Variants in LGR4 observed in about 807,000 individuals in gnomAD.
LGR4 encodes the protein leucine rich repeat containing G protein-coupled receptor 4.
In LGR4, 44 loss-of-function variants were observed where a neutral mutation model predicts 84.8. The observed-to-expected ratio is 0.52, with a 90% CI of 0.41 to 0.67. The LOEUF is 0.67. Among genes scored for constraint, LGR4 ranks in the 30% least tolerant of loss-of-function variants. The pLI, the probability that LGR4 is intolerant of heterozygous loss-of-function variation, is 0.00. For synonymous variants in LGR4, 429 were observed against 434.3 expected (o/e 0.99, Z 0.15); for missense variants, 1,032 against 1,131.4 (o/e 0.91, Z 1.26).
At chr11:27,381,577 G>A (rs528058134) in intron 7 of LGR4, among the ~76,000 whole-genome samples, 16 of 152,248 alleles carry the variant, frequency 1.1e-4, no homozygotes, top group African/African-American at 3.4e-4. Context: ...AGCTACCCAG[G>A]AAGCTAAGAT....
At chr11:27,385,579 T>C (rs984921765) in intron 4 of LGR4, 111 bp from the exon 5 acceptor site, 1 of 653,392 alleles carries the variant, frequency 1.5e-6, no homozygotes, top group Non-Finnish European at 2.5e-6. Flanking sequence ...AAAATTATCA[T>C]CTTTAATTTT....
chr11:27,375,746 T>A (rs1271110937), intron 13 of LGR4, among the ~76,000 whole-genome samples: 1 of 152,190 alleles, frequency 6.6e-6, no homozygotes, highest in Non-Finnish European at 1.5e-5. Flanking sequence ...GTAGTCTGCC[T>A]ACCCTTGCCC....
chr11:27,391,238 T>C (rs1187763717), intron 3 of LGR4, 73 bp from the exon 4 acceptor site: 3 of 60,066 alleles, frequency 5.0e-5, no homozygotes, highest in Non-Finnish European at 9.0e-5. Context: ...TCAGAGCCTT[T>C]TTTTTTTTTT....
chr11:27,412,952 T>C (rs534613502), intron 1 of LGR4, 92 bp from the exon 2 acceptor site: 1 of 853,366 alleles, frequency 1.2e-6, no homozygotes, highest in Non-Finnish European at 2.0e-6. Flanking sequence ...TGTTACAATT[T>C]TGTGAAAGAG....
intron 13 of LGR4, among the ~76,000 whole-genome samples, 161 bp downstream of exon 13, chr11:27,376,138 G>A (rs538225116): frequency 4.8e-4 from 71 of 147,114 alleles, no homozygotes; most frequent in African/African-American, 1.6e-3. Flanking sequence ...CACTATGCCC[G>A]GCTAATTTTT....
chr11:27,472,726 C>G lies in LGR4; in HGVS notation c.-424G>C, dbSNP rs914767125. 2.5e-5 allele frequency: 9 copies of G among 359,108 alleles called. No homozygotes were observed. The highest frequency in any genetic ancestry group is 8.5e-5 in the African/African-American group (4 of 46,998). 22.2% of individuals were successfully genotyped at this position (359,108 alleles called of 1,614,324 possible). ...TCTCGCACAAACACCCAGACTCTGG[C>G]TCGCTGTCTCCCAGCCGCGGCTCAA... is the stretch of plus-strand genomic sequence containing the variant. On this transcript the variant is annotated 5_prime_UTR_variant, in exon 1 of 18. Transcript: ENST00000379214.
intron 3 of LGR4, 138 bp from the exon 4 acceptor site, chr11:27,391,303 C>T (rs1233514937): frequency 8.9e-6 from 5 of 562,376 alleles, no homozygotes; most frequent in African/African-American, 2.0e-5. Context: ...TGGAAAGCAT[C>T]TAAGACAAGA....
At chr11:27,462,560 G>A (rs1864701767) in intron 1 of LGR4, among the ~76,000 whole-genome samples, 1 of 152,156 alleles carries the variant, frequency 6.6e-6, no homozygotes, top group African/African-American at 2.4e-5. Flanking sequence ...TGGCTCACCT[G>A]TGAAGTCTAT....
intron 16 of LGR4, among the ~76,000 whole-genome samples, chr11:27,372,025 C>T (rs779690176): frequency 6.6e-6 from 1 of 152,132 alleles, no homozygotes; most frequent in Admixed American, 6.5e-5. Flanking sequence ...CCACTACACT[C>T]AGCTAGTTTT....
intron 1 of LGR4, among the ~76,000 whole-genome samples, chr11:27,462,732 TG>T (rs1265224280): frequency 6.6e-6 from 1 of 152,076 alleles, no homozygotes; most frequent in African/African-American, 2.4e-5. Context: ...AGCGTTTCCT[TG>T]GTGCAACCCT....
rs574451307 is a variant in LGR4, at chr11:27,467,324, T to C, written c.185+4794A>G. On this transcript the variant is annotated intron_variant, in intron 1 of 17. Transcript: ENST00000379214. ...GGCTTGTACCTGTAATCCCAGCACT[T>C]TGGGAGGCCGAGGCAGGAGGACCAC... 4.0e-5 allele frequency among the ~76,000 whole-genome samples: 6 copies of C among 151,736 alleles called. 1 individual carries two copies. The East Asian group carries it at 1.2e-3, about 30-fold the overall frequency.
At chr11:27,390,190 A>G (rs1408867020) in intron 4 of LGR4, among the ~76,000 whole-genome samples, 1 of 152,124 alleles carries the variant, frequency 6.6e-6, no homozygotes, top group African/African-American at 2.4e-5. Flanking sequence ...TAGCAAACTG[A>G]TGGGACAAGC....
chr11:27,380,446 T>C, intron 9 of LGR4, 107 bp from the exon 10 acceptor site: 2 of 814,086 alleles, frequency 2.5e-6, no homozygotes, highest in Non-Finnish European at 2.0e-6. Context: ...TAAAACTAGT[T>C]TCATCTCTTG....
Position 27,367,992 on chromosome 11 carries a change from CATCTGCATAATCAGA to C in LGR4, c.2716_2730del (p.Ser906_Asp910del), listed in dbSNP as rs1457552017. The C allele has an allele frequency of 6.2e-6, 10 of 1,614,164 alleles. No homozygotes were observed. Among genetic ancestry groups the C allele is most frequent in the Non-Finnish European group, 8.5e-6 (10 of 1,180,006 alleles). ...CTGTCTGAGACAAAGGAATCTTCTT[CATCTGCATAATCAGA>C]GTGGGCCGACTGTGTGCCACAGTCG... On this transcript the variant is annotated inframe_deletion, in exon 18 of 18. Transcript: ENST00000379214.
intron 1 of LGR4, among the ~76,000 whole-genome samples, chr11:27,441,563 TAGAG>T (rs1160932247): frequency 2.0e-5 from 3 of 152,022 alleles, no homozygotes; most frequent in Non-Finnish European, 4.4e-5. Flanking sequence ...AAATGAATGA[TAGAG>T]AGAAAGTAAA....
At chr11:27,431,561 T>G (rs1425833713) in intron 1 of LGR4, among the ~76,000 whole-genome samples, 4 of 152,230 alleles carry the variant, frequency 2.6e-5, no homozygotes, top group African/African-American at 9.6e-5. Context: ...CATGGACGTT[T>G]AAATGGTCTG....
intron 1 of LGR4, among the ~76,000 whole-genome samples, chr11:27,460,119 T>G (rs1315521774): frequency 2.0e-5 from 3 of 151,970 alleles, no homozygotes; most frequent in Admixed American, 6.6e-5. Flanking sequence ...GAGAAAGGAA[T>G]TAACTTACCC....
At position 27,367,422 on chromosome 11, in the gene LGR4, CT is replaced by C. The variant is rs1315399871; in HGVS notation, c.*444del. ...TTTTTTGGCCCTGCAGTAAGTTGTC[CT>C]GAGATTAAGGATGAAACATTAGGTA... On this transcript the variant is annotated 3_prime_UTR_variant, in exon 18 of 18. Transcript: ENST00000379214. The C allele has an allele frequency of 6.5e-6, 1 of 153,764 alleles. No homozygotes were observed. Among genetic ancestry groups the C allele is most frequent in the African/African-American group, 2.4e-5 (1 of 41,420 alleles). The allele number at this position is 153,764 out of a possible 1,614,324, so 9.5% of individuals were successfully genotyped here.
Position 27,472,601 on chromosome 11 carries a change from C to T in LGR4, c.-299G>A, listed in dbSNP as rs1864903280. On this transcript the variant is annotated 5_prime_UTR_variant, in exon 1 of 18. It adds an upstream start codon to the 5' untranslated region. Coordinates refer to ENST00000379214, the MANE Select transcript of LGR4 (RefSeq NM_018490.5). ...GCGGGGGCCGCGCTCTGCCATCGCACCGGTCTCCCTGTCCCTGGCCTCTCA... is the reference window on the plus strand; with the variant it reads ...GCGGGGGCCGCGCTCTGCCATCGCATCGGTCTCCCTGTCCCTGGCCTCTCA... The T allele has an allele frequency of 2.7e-6, 1 of 371,304 alleles. No homozygotes were observed. The highest frequency in any genetic ancestry group is 2.1e-5 in the African/African-American group (1 of 47,538). 23.0% of individuals were successfully genotyped at this position (371,304 alleles called of 1,614,324 possible). A position where few individuals can be genotyped will look rare whatever the true frequency, so the allele number is the denominator to read the frequency against.
Sources: allele counts gnomAD v4.1 joint callset (sites outside exome capture counted in the v4.1 genomes callset), GRCh38; gene constraint gnomAD v4.1.1; transcripts MANE v1.5; gene names NCBI Gene and HGNC (gene_info 2026-07-23, HGNC 2026-07-21).